FAM117A: variants seen among roughly 807,000 people sequenced by gnomAD.
FAM117A encodes family with sequence similarity 117 member A, also known as protein FAM117A.
In FAM117A, 21 loss-of-function variants were observed where a neutral mutation model predicts 44.1. That is an observed-to-expected ratio of 0.48 (90% confidence interval 0.34 to 0.69). The LOEUF (loss-of-function observed/expected upper bound fraction) is 0.69. FAM117A is among the 30% of genes least tolerant of loss of function. FAM117A has a pLI of 0.01. For synonymous variants in FAM117A, 220 were observed against 238.3 expected (o/e 0.92, Z 0.71); for missense variants, 498 against 589.9 (o/e 0.84, Z 1.61).
chr17:49,744,517 C>T (rs1253251099), intron 1 of FAM117A, among the ~76,000 whole-genome samples: 7 of 149,964 alleles, frequency 4.7e-5, no homozygotes, highest in African/African-American at 1.7e-4. Flanking sequence ...ACAGGATCTC[C>T]CTATGTTGCC....
At chr17:49,765,820 C>A (rs2073744069), upstream of FAM117A, 1 of 152,150 alleles carries the variant, frequency 6.6e-6, no homozygotes, top group Non-Finnish European at 1.5e-5. Flanking sequence ...TATTGTTCCT[C>A]AATTTCAAGT....
At chr17:49,736,086 A>ATG (rs1567830468) in intron 1 of FAM117A, among the ~76,000 whole-genome samples, 1 of 148,632 alleles carries the variant, frequency 6.7e-6, no homozygotes, top group East Asian at 1.9e-4. Flanking sequence ...GTGTGTGTGT[A>ATG]TGTGTGTGTG....
chr17:49,771,503 C>T (rs564884296), intron 1 of FAM117A, among the ~76,000 whole-genome samples: 2 of 151,626 alleles, frequency 1.3e-5, no homozygotes, highest in African/African-American at 2.4e-5. Flanking sequence ...AAAAAATGTC[C>T]TCCTGCACTA....
intron 1 of FAM117A, among the ~76,000 whole-genome samples, chr17:49,763,123 T>TAAAC (rs1555598373): frequency 7.1e-6 from 1 of 141,068 alleles, no homozygotes; most frequent in Non-Finnish European, 1.5e-5. Flanking sequence ...TCCCCCCCGC[T>TAAAC]ACACACACAC....
At chr17:49,738,311 C>T (rs181511725) in intron 1 of FAM117A, among the ~76,000 whole-genome samples, 111 of 152,244 alleles carry the variant, frequency 7.3e-4, no homozygotes, top group African/African-American at 2.5e-3. Flanking sequence ...ACATTCTTTC[C>T]GGCTCCCTCT....
chr17:49,721,412 AATTTGCTATT>A (rs2073533535), intron 3 of FAM117A, among the ~76,000 whole-genome samples: 1 of 152,178 alleles, frequency 6.6e-6, no homozygotes, highest in Admixed American at 6.5e-5. Context: ...AGAGCTTTCC[AATTTGCTATT>A]GTGGGTCACT....
intron 1 of FAM117A, among the ~76,000 whole-genome samples, chr17:49,770,997 A>C (rs1178883234): frequency 3.3e-5 from 5 of 152,212 alleles, no homozygotes; most frequent in African/African-American, 1.2e-4. Flanking sequence ...ACTTGAGGTC[A>C]GGAGTTCGAG....
chr17:49,789,071 G>T, upstream of FAM117A: 1 of 412,574 alleles, frequency 2.4e-6, no homozygotes. Flanking sequence ...GCCTGGATCG[G>T]AGGCGTTCTT....
intron 1 of FAM117A, among the ~76,000 whole-genome samples, chr17:49,748,480 G>C (rs1056999714): frequency 2.0e-5 from 3 of 152,196 alleles, no homozygotes; most frequent in African/African-American, 7.2e-5. Context: ...GGAGGAAAGA[G>C]CCTGAGGAAT....
At chr17:49,716,542 A>G (rs1373136383) in intron 6 of FAM117A, among the ~76,000 whole-genome samples, 1 of 152,208 alleles carries the variant, frequency 6.6e-6, no homozygotes, top group Non-Finnish European at 1.5e-5. Flanking sequence ...ATGTATGGAA[A>G]GTTAAGATCT....
chr17:49,750,646 A>ATGTG (rs1406987733), intron 1 of FAM117A, among the ~76,000 whole-genome samples: 1 of 152,078 alleles, frequency 6.6e-6, no homozygotes. Context: ...GCATGGTGGC[A>ATGTG]GGCACCTGTA....
intron 1 of FAM117A, among the ~76,000 whole-genome samples, chr17:49,754,464 C>T (rs1025817720): frequency 6.6e-6 from 1 of 151,966 alleles, no homozygotes; most frequent in Non-Finnish European, 1.5e-5. Flanking sequence ...ACCACCACGC[C>T]CGGCTAATTT....
intron 1 of FAM117A, among the ~76,000 whole-genome samples, chr17:49,758,004 G>A (rs2073705559): frequency 2.0e-5 from 3 of 152,142 alleles, no homozygotes; most frequent in Non-Finnish European, 2.9e-5. Context: ...AACTGGGAGC[G>A]ACACCCAAAG....
intron 2 of FAM117A, among the ~76,000 whole-genome samples, chr17:49,726,388 T>G (rs2073559765): frequency 6.6e-6 from 1 of 152,072 alleles, no homozygotes. Flanking sequence ...AATTTTGTAT[T>G]TGTAGTAGAG....
intron 1 of FAM117A, among the ~76,000 whole-genome samples, chr17:49,752,945 C>A (rs2073683238): frequency 6.6e-6 from 1 of 151,652 alleles, no homozygotes; most frequent in Non-Finnish European, 1.5e-5. Context: ...CTCACTGCAA[C>A]CTTCGCCTCT....
At chr17:49,724,450 C>A in intron 2 of FAM117A, 1 of 456,290 alleles carries the variant, frequency 2.2e-6, no homozygotes. Flanking sequence ...ACGGGTACTA[C>A]TAATATCTCT....
chr17:49,759,187 T>C (rs1052911328), intron 1 of FAM117A, among the ~76,000 whole-genome samples: 4 of 152,232 alleles, frequency 2.6e-5, no homozygotes, highest in African/African-American at 9.6e-5. Context: ...CTTAGCTCTA[T>C]GTTATATAAG....
At chr17:49,724,742 A>T (rs2073551666) in intron 2 of FAM117A, among the ~76,000 whole-genome samples, 1 of 150,582 alleles carries the variant, frequency 6.6e-6, no homozygotes, top group Admixed American at 6.7e-5. Flanking sequence ...AATTGCTTGA[A>T]CTCAAGAGGT....
At chr17:49,756,930 AAAAAG>A (rs1274827584) in intron 1 of FAM117A, among the ~76,000 whole-genome samples, 1 of 151,466 alleles carries the variant, frequency 6.6e-6, no homozygotes, top group Admixed American at 6.6e-5. Flanking sequence ...AAAAAAAAAA[AAAAAG>A]AGAGAGAGAA....
Sources: gnomAD v4.1 joint callset for allele counts (sites outside exome capture counted in the v4.1 genomes callset) on GRCh38, gnomAD v4.1.1 for gene constraint, MANE v1.5 for transcripts, NCBI Gene and HGNC (gene_info 2026-07-23, HGNC 2026-07-21) for gene names.